PTPRN2: variants seen among roughly 807,000 people sequenced by gnomAD.
The protein encoded by PTPRN2 is receptor-type tyrosine-protein phosphatase N2.
In PTPRN2, 74 loss-of-function variants were observed where a neutral mutation model predicts 118.8. The ratio of observed to expected loss-of-function variants is 0.62; its 90% CI spans 0.52 to 0.76. PTPRN2 has a LOEUF of 0.76. Among genes scored for constraint, PTPRN2 ranks in the 30% least tolerant of loss-of-function variants. The pLI is 0.00. For missense variants in PTPRN2, 1,481 were observed against 1,394.4 expected (o/e 1.06, Z -0.99); for synonymous variants, 641 against 608.0 (o/e 1.05, Z -0.80).
intron 12 of PTPRN2, among the ~76,000 whole-genome samples, chr7:157,789,694 ATGTG>A (rs200913653): frequency 0.015 from 2,140 of 139,582 alleles, 79 homozygotes; most frequent in East Asian, 0.11. Flanking sequence ...GTGTGGGGGT[ATGTG>A]TGTGTGGTGT....
intron 3 of PTPRN2, among the ~76,000 whole-genome samples, chr7:158,307,701 G>T (rs1801398825): frequency 6.6e-6 from 1 of 152,190 alleles, no homozygotes; most frequent in Admixed American, 6.5e-5. Context: ...GAAGCAACTT[G>T]TCACACATGT....
chr7:157,576,807 C>A lies in PTPRN2; in HGVS notation c.2617-28G>T, dbSNP rs377105908. 20 of 1,565,974 alleles carry A rather than the reference C, an allele frequency of 1.3e-5. No individual in the cohort carries two copies. In the African/African-American group the frequency reaches 2.6e-4, roughly 20 times the overall value. ...GGCAGGGAGGAGCGGAGGGAGGGGA[C>A]AGAGACAGGTGTGGACATTGTGAAC... On this transcript the variant is annotated intron_variant, in intron 18 of 22. Transcript: ENST00000389418.
intron 1 of PTPRN2, among the ~76,000 whole-genome samples, chr7:158,542,420 T>C (rs529964682): frequency 6.6e-6 from 1 of 152,366 alleles, no homozygotes; most frequent in African/African-American, 2.4e-5. Context: ...CCCAAAGTGA[T>C]GGGATTACGG....
At chr7:157,562,165 G>T (rs993200187) in intron 21 of PTPRN2, among the ~76,000 whole-genome samples, 20 of 152,176 alleles carry the variant, frequency 1.3e-4, no homozygotes, top group Admixed American at 6.5e-5. Flanking sequence ...GGGCTCTGGG[G>T]ACAGCTCGCC....
chr7:158,559,602 GAT>G (rs1491571024), intron 1 of PTPRN2, among the ~76,000 whole-genome samples: 2 of 152,202 alleles, frequency 1.3e-5, no homozygotes, highest in Admixed American at 1.3e-4. Context: ...TGACCGCGGG[GAT>G]ACCTCACCCA....
At chr7:158,364,159 C>A (rs541596213) in intron 2 of PTPRN2, among the ~76,000 whole-genome samples, 2 of 151,118 alleles carry the variant, frequency 1.3e-5, no homozygotes, top group East Asian at 3.9e-4. Context: ...CCCATCCTCA[C>A]TTCATCTGCC....
At chr7:158,075,003 C>T (rs574743814) in intron 11 of PTPRN2, among the ~76,000 whole-genome samples, 10 of 150,956 alleles carry the variant, frequency 6.6e-5, no homozygotes, top group African/African-American at 1.2e-4. Context: ...GTAGCCCTGT[C>T]GATGGCGATG....
intron 10 of PTPRN2, among the ~76,000 whole-genome samples, chr7:158,082,171 G>T (rs1041255922): frequency 1.3e-5 from 2 of 152,008 alleles, no homozygotes; most frequent in Non-Finnish European, 2.9e-5. Context: ...CAATTTAGGT[G>T]GGAGAGGGCA....
chr7:158,213,837 C>G (rs1827779929), intron 3 of PTPRN2, among the ~76,000 whole-genome samples: 1 of 151,534 alleles, frequency 6.6e-6, no homozygotes, highest in African/African-American at 2.4e-5. Flanking sequence ...ATCAATGGCA[C>G]AAAAAGAACT....
At chr7:157,594,908 C>G (rs1210582817) in intron 17 of PTPRN2, among the ~76,000 whole-genome samples, 1 of 152,210 alleles carries the variant, frequency 6.6e-6, no homozygotes, top group Non-Finnish European at 1.5e-5. Flanking sequence ...GCCATCATAA[C>G]AACGCCATGG....
At position 158,145,352 on chromosome 7, in the gene PTPRN2, T is replaced by C. The variant is rs1200692257; in HGVS notation, c.911-6837A>G. On this transcript the variant is annotated intron_variant, in intron 6 of 22. Coordinates refer to ENST00000389418, the MANE Select transcript of PTPRN2 (RefSeq NM_002847.5). ...GAGAAGGTTCCAGAATACCACGGCT[T>C]GGCAAGACTTCCCTCACATCATCGT... Among the ~76,000 whole-genome samples, 8 of 147,432 alleles carry C rather than the reference T, an allele frequency of 5.4e-5. No individual in the cohort carries two copies. In the East Asian group the frequency reaches 6.1e-4, roughly 11 times the overall value.
intron 2 of PTPRN2, among the ~76,000 whole-genome samples, chr7:158,369,808 T>C (rs545670986): frequency 6.6e-6 from 1 of 152,228 alleles, no homozygotes; most frequent in Non-Finnish European, 1.5e-5. Flanking sequence ...GAAACCCATG[T>C]AAATTCTAAA....
intron 9 of PTPRN2, among the ~76,000 whole-genome samples, chr7:158,127,014 C>T (rs975188066): frequency 3.9e-5 from 6 of 152,186 alleles, no homozygotes; most frequent in Non-Finnish European, 8.8e-5. Context: ...TTGCCTTCTC[C>T]GAGGTGCAAG....
intron 9 of PTPRN2, among the ~76,000 whole-genome samples, chr7:158,126,612 C>T (rs1211473882): frequency 1.2e-5 from 1 of 86,462 alleles, no homozygotes; most frequent in East Asian, 3.0e-4. Context: ...CTCTCCGCCA[C>T]ACCAGCCCCC....
intron 12 of PTPRN2, among the ~76,000 whole-genome samples, chr7:157,829,398 C>G (rs978922298): frequency 1.3e-5 from 2 of 152,202 alleles, no homozygotes; most frequent in African/African-American, 4.8e-5. Flanking sequence ...TCATCTGGGG[C>G]GCTCTTTTTG....
chr7:158,487,562 A>G (rs772509016), intron 2 of PTPRN2, among the ~76,000 whole-genome samples: 8 of 152,216 alleles, frequency 5.3e-5, no homozygotes, highest in Non-Finnish European at 1.2e-4. Context: ...TGATAAGATT[A>G]TATATTCCTA....
intron 10 of PTPRN2, among the ~76,000 whole-genome samples, chr7:158,097,479 C>T (rs543782635): frequency 7.4e-4 from 113 of 152,340 alleles, no homozygotes; most frequent in African/African-American, 2.6e-3. Flanking sequence ...AATTAGGCTG[C>T]GTGCCCCGAA....
intron 12 of PTPRN2, among the ~76,000 whole-genome samples, chr7:157,765,899 C>T (rs577307854): frequency 3.7e-4 from 53 of 144,538 alleles, no homozygotes; most frequent in African/African-American, 1.4e-3. Flanking sequence ...CATCCATCCA[C>T]CCACCCATCC....
chr7:158,156,353 C>A (rs1342952184), intron 6 of PTPRN2, among the ~76,000 whole-genome samples: 1 of 152,162 alleles, frequency 6.6e-6, no homozygotes, highest in Non-Finnish European at 1.5e-5. Flanking sequence ...CCTTTAGGTT[C>A]ATGTTAGTGT....
Sources: allele counts gnomAD v4.1 joint callset (sites outside exome capture counted in the v4.1 genomes callset), GRCh38; gene constraint gnomAD v4.1.1; transcripts MANE v1.5; gene names NCBI Gene and HGNC (gene_info 2026-07-23, HGNC 2026-07-21).